NEK5: variants seen among roughly 807,000 people sequenced by gnomAD.
NEK5 encodes the protein NIMA related kinase 5, also known as serine/threonine-protein kinase Nek5.
A neutral mutation model predicts 109.2 loss-of-function variants in NEK5; 88 were observed. That is an observed-to-expected ratio of 0.81 (90% CI 0.68 to 0.96). NEK5 has a LOEUF of 0.96. Ranked by LOEUF, NEK5 falls within the 40% of genes least tolerant of loss-of-function variation. The pLI, the probability that NEK5 is intolerant of heterozygous loss-of-function variation, is 0.00. For missense variants in NEK5, 834 were observed against 920.7 expected, an observed-to-expected ratio of 0.91 and a Z score of 1.22; for synonymous variants, 283 against 299.9, an observed-to-expected ratio of 0.94 and a Z score of 0.58.
At chr13:52,057,492 C>A (rs1438730530) in intron 22 of NEK5, among the ~76,000 whole-genome samples, 1,333 of 133,452 alleles carry the variant, frequency 1.0e-2, no homozygotes, top group African/African-American at 0.027. Flanking sequence ...AGAGACACAA[C>A]CACAAAAGAG....
intron 13 of NEK5, 92 bp downstream of exon 13, chr13:52,092,962 G>A: frequency 1.2e-6 from 1 of 825,760 alleles, no homozygotes; most frequent in South Asian, 2.1e-5. Flanking sequence ...TGGATTATTT[G>A]TGTTAGGAGA....
Position 52,112,145 on chromosome 13 carries a change from T to C in NEK5, c.312+123A>G, listed in dbSNP as rs1345017519. ...AGAATATTGATCCACTATTTTATGG[T>C]TTCAATCTGTCTACCAAAACACATG... is the stretch of plus-strand genomic sequence containing the variant. On this transcript the variant is annotated intron_variant, in intron 5 of 23. Transcript: ENST00000684899. 1.8e-5 allele frequency: 9 copies of C among 486,700 alleles called. 1 individual carries two copies. The Admixed American group carries it at 2.9e-4, about 16-fold the overall frequency. 30.1% of individuals were successfully genotyped at this position (486,700 alleles called of 1,614,324 possible).
At chr13:52,045,029 G>A (rs1954444045) in intron 23 of NEK5, among the ~76,000 whole-genome samples, 1 of 151,254 alleles carries the variant, frequency 6.6e-6, no homozygotes, top group African/African-American at 2.4e-5. Flanking sequence ...TATAAACAAT[G>A]TGTTTATAAA....
chr13:52,104,581 GA>G, intron 8 of NEK5, 29 bp from the exon 9 acceptor site: 1 of 1,475,880 alleles, frequency 6.8e-7, no homozygotes. Context: ...TACATGCCAA[GA>G]AAATATCCAT....
intron 22 of NEK5, among the ~76,000 whole-genome samples, chr13:52,061,527 G>A (rs1434977964): frequency 6.6e-6 from 1 of 152,208 alleles, no homozygotes; most frequent in East Asian, 1.9e-4. Flanking sequence ...GACTCAGGTA[G>A]AGCAAAACAA....
chr13:52,036,887 T>C lies in NEK5; in HGVS notation c.*61A>G. On this transcript the variant is annotated 3_prime_UTR_variant, in exon 24 of 24. Coordinates refer to ENST00000684899, the MANE Select transcript of NEK5 (RefSeq NM_001365552.1). ...ACAGTAAATGAGCATTTATGACTTG[T>C]ACCCAAATAAATACTATAGGTAATA... 21 of 799,028 alleles carry C rather than the reference T, an allele frequency of 2.6e-5. No individual in the cohort carries two copies. Among genetic ancestry groups the C allele is most frequent in the Non-Finnish European group, 3.2e-5 (21 of 659,852 alleles). The allele number at this position is 799,028 out of a possible 1,614,324, so 49.5% of individuals were successfully genotyped here.
Position 52,050,181 on chromosome 13 carries a change from A to C in NEK5, c.2151T>G (p.Asp717Glu), listed in dbSNP as rs1033255062. ...TLKQWLPKEE[D>E]EGKVEMVSGI... ...CAGAGACCATTTCTACCTTCCCTTC[A>C]TCTTCTTCTTTGGGTAGCCATTGTT... The change falls in exon 23 of 24, where the codon GAT (aspartate) becomes GAG (glutamate). Residue 717 changes from aspartate to glutamate, a missense_variant. Physicochemically the swap from Asp to Glu is conservative, Grantham distance 45. This residue lies in a region of NEK5 where 57 missense variants were observed against 96.0 expected (regional missense o/e 0.59). Transcript: ENST00000684899. 1.0e-6 allele frequency: 1 copy of C among 985,508 alleles called. No homozygotes were observed. The highest frequency in any genetic ancestry group is 1.7e-5 in the African/African-American group (1 of 57,194). 61.0% of individuals were successfully genotyped at this position (985,508 alleles called of 1,614,324 possible). A position where few individuals can be genotyped will look rare whatever the true frequency, so the allele number is the denominator to read the frequency against.
chr13:52,086,212 T>C (rs1955138833), intron 16 of NEK5, 65 bp downstream of exon 16: 1 of 997,776 alleles, frequency 1.0e-6, no homozygotes. Context: ...TTACTTTTAA[T>C]ACCAGCTCAA....
Position 52,102,013 on chromosome 13 carries a change from A to C in NEK5, c.812T>G (p.Val271Gly). Reference protein sequence around the residue: ...NLIPKYLTPEVIQEEFSHMLI... With the variant: ...NLIPKYLTPEGIQEEFSHMLI... ...CATGTGACTGAATTCTTCCTGAATG[A>C]CCTAAAACCGAACACACGTGTCAAG... The change falls in exon 11 of 24, where the codon GTC becomes GGC. Residue 271 changes from valine to glycine, a missense_variant and splice_region_variant. Around this residue, in one of 2 missense-constraint regions of NEK5, gnomAD observed 777 missense variants for 824.7 expected, o/e 0.94. Coordinates refer to ENST00000684899, the MANE Select transcript of NEK5 (RefSeq NM_001365552.1). 6.2e-7 allele frequency: 1 copy of C among 1,614,020 alleles called. No individual in the cohort carries two copies. Among genetic ancestry groups the C allele is most frequent in the Non-Finnish European group, 8.5e-7 (1 of 1,179,944 alleles).
chr13:52,062,468 A>C (rs535036294), intron 21 of NEK5, among the ~76,000 whole-genome samples: 43 of 150,928 alleles, frequency 2.8e-4, no homozygotes, highest in African/African-American at 1.0e-3. Flanking sequence ...TCTGTCAGCC[A>C]GGAGTGTAGT....
chr13:52,045,695 G>A (rs1468910412), intron 23 of NEK5, among the ~76,000 whole-genome samples: 3 of 148,114 alleles, frequency 2.0e-5, no homozygotes, highest in African/African-American at 5.0e-5. Context: ...AACCTGGGAG[G>A]TGGAGCTTGC....
intron 19 of NEK5, among the ~76,000 whole-genome samples, chr13:52,073,325 T>C (rs1954812388): frequency 6.6e-6 from 1 of 151,990 alleles, no homozygotes; most frequent in Non-Finnish European, 1.5e-5. Context: ...TTTCCCTTTT[T>C]TTTTTTTTGA....
chr13:52,126,590 C>T (rs1172203566), intron 3 of NEK5, among the ~76,000 whole-genome samples: 4 of 152,140 alleles, frequency 2.6e-5, no homozygotes, highest in African/African-American at 9.7e-5. Context: ...CCAGCCTGGG[C>T]AACATGGTGA....
At chr13:52,120,714 C>G (rs1035036286) in intron 3 of NEK5, among the ~76,000 whole-genome samples, 2 of 152,136 alleles carry the variant, frequency 1.3e-5, no homozygotes, top group South Asian at 4.2e-4. Flanking sequence ...AGTTCAAGAC[C>G]AGCCTGGCCA....
chr13:52,127,278 T>C (rs767163751), intron 3 of NEK5, 88 bp downstream of exon 3: 8 of 759,562 alleles, frequency 1.1e-5, no homozygotes, highest in East Asian at 2.6e-5. Context: ...TTCGAAATTA[T>C]AAAAAATAAA....
At position 52,036,959 on chromosome 13, in the gene NEK5, T is replaced by C. The variant is rs1047644658; in HGVS notation, c.2488A>G (p.Ile830Val). The C allele has an allele frequency of 1.0e-6, 1 of 985,064 alleles. No individual in the cohort carries two copies. Among genetic ancestry groups the C allele is most frequent in the Admixed American group, 6.1e-5 (1 of 16,278 alleles). The allele number at this position is 985,064 out of a possible 1,614,324, so 61.0% of individuals were successfully genotyped here. A position where few individuals can be genotyped will look rare whatever the true frequency, so the allele number is the denominator to read the frequency against. ...AAAAAGTACAATAATCACACTTGTA[T>C]ATTTTGACTGGTTGTTGATGTTCCT... ...DQGTSTTSQN[I>V]QV The change falls in exon 24 of 24, where the codon ATA becomes GTA. Residue 830 changes from isoleucine to valine, a missense_variant. By Grantham distance (29) the Ile-to-Val change is conservative. Around this residue, in one of 2 missense-constraint regions of NEK5, gnomAD observed 57 missense variants for 96.0 expected, o/e 0.59. Transcript: ENST00000684899.
At chr13:52,083,578 C>A (rs1038896084) in intron 16 of NEK5, among the ~76,000 whole-genome samples, 2 of 151,850 alleles carry the variant, frequency 1.3e-5, no homozygotes, top group African/African-American at 4.8e-5. Flanking sequence ...ACTCTGTCAC[C>A]CAGGCTGGAG....
chr13:52,091,598 C>A (rs1226629094), intron 13 of NEK5, among the ~76,000 whole-genome samples: 14 of 151,962 alleles, frequency 9.2e-5, no homozygotes, highest in Non-Finnish European at 4.4e-5. Flanking sequence ...ATAATTCATC[C>A]AAAATTTCAA....
chr13:52,075,813 A>G lies in NEK5; in HGVS notation c.1667T>C (p.Phe556Ser). 1 of 1,566,726 alleles carries G rather than the reference A, an allele frequency of 6.4e-7. No individual in the cohort carries two copies. Among genetic ancestry groups the G allele is most frequent in the Non-Finnish European group, 8.7e-7 (1 of 1,155,478 alleles). Reference protein sequence around the residue: ...QKYKAKKGVKFEINLDKCISD... With the variant: ...QKYKAKKGVKSEINLDKCISD... The stretch of plus-strand genomic sequence containing the variant: ...AATACATTTGTCTAAATTAATTTCA[A>G]ATTTTACCCCCTTCTAGGAGAAAGC... Residue 556 changes from phenylalanine (F) to serine (S), a missense_variant, in exon 19 of 24, where the codon TTT becomes TCT. Physicochemically the swap from Phe to Ser is radical, Grantham distance 155 (BLOSUM62 -2). This residue lies in a region of NEK5 where 777 missense variants were observed against 824.7 expected (regional missense o/e 0.94). Transcript: ENST00000684899.
Sources: allele counts gnomAD v4.1 joint callset (sites outside exome capture counted in the v4.1 genomes callset), GRCh38; gene constraint gnomAD v4.1.1; regional missense constraint gnomAD v4.1.1; transcripts MANE v1.5; gene names NCBI Gene and HGNC (gene_info 2026-07-23, HGNC 2026-07-21).